The following LRRTM4 variants were observed in gnomAD, a reference collection of about 807,000 sequenced individuals.
LRRTM4 encodes the protein leucine-rich repeat transmembrane neuronal protein 4.
LRRTM4 carries 25 observed loss-of-function variants against 47.6 expected under a neutral mutation model. That is an observed-to-expected ratio of 0.53 (90% CI 0.38 to 0.73). LRRTM4 has a LOEUF of 0.73. Among genes scored for constraint, LRRTM4 ranks in the 30% least tolerant of loss-of-function variants. LRRTM4 has a pLI of 0.00. For missense variants in LRRTM4, 638 were observed against 713.4 expected (o/e 0.89, Z 1.20); for synonymous variants, 311 against 269.5 (o/e 1.15, Z -1.51).
intron 3 of LRRTM4, among the ~76,000 whole-genome samples, chr2:77,456,992 ATGTG>A (rs372166999): frequency 0.081 from 9,896 of 122,374 alleles, 629 homozygotes; most frequent in East Asian, 0.13. Context: ...ATATTAGTGT[ATGTG>A]TGTGTGTGTA....
chr2:77,053,689 A>T (rs1213148448), intron 3 of LRRTM4, among the ~76,000 whole-genome samples: 2 of 152,174 alleles, frequency 1.3e-5, no homozygotes, highest in Non-Finnish European at 2.9e-5. Context: ...AATAGAATTA[A>T]TGAGTCTCTT....
intron 3 of LRRTM4, among the ~76,000 whole-genome samples, chr2:77,458,320 G>A (rs1014924074): frequency 6.6e-6 from 1 of 152,142 alleles, no homozygotes; most frequent in Admixed American, 6.6e-5. Context: ...CAGAGACATA[G>A]TGTTTCACCT....
At chr2:77,250,502 T>C (rs578137141) in intron 3 of LRRTM4, among the ~76,000 whole-genome samples, 1 of 152,306 alleles carries the variant, frequency 6.6e-6, no homozygotes, top group Non-Finnish European at 1.5e-5. Flanking sequence ...AATAAAACAC[T>C]ACTGAAACGT....
At chr2:76,760,534 C>T (rs1212017477) in intron 3 of LRRTM4, among the ~76,000 whole-genome samples, 1 of 152,098 alleles carries the variant, frequency 6.6e-6, no homozygotes, top group Admixed American at 6.5e-5. Flanking sequence ...AGCACGTCTG[C>T]TACTGCTACC....
chr2:77,043,857 T>C lies in LRRTM4; in HGVS notation c.1552-294941A>G, dbSNP rs182569436. On this transcript the variant is annotated intron_variant, in intron 3 of 3. Coordinates refer to ENST00000409884, the MANE Select transcript of LRRTM4 (RefSeq NM_001134745.3). ...AGATAAAAAAATCAATTATAATGTC[T>C]TACAATTAAAATAGCAAAATGGTCA... Among the ~76,000 whole-genome samples, 227 of 151,792 alleles carry C rather than the reference T, an allele frequency of 1.5e-3. 1 individual carries two copies. The highest frequency in any genetic ancestry group is 4.9e-3 in the African/African-American group (202 of 41,488).
At chr2:77,058,022 A>G (rs1334609420) in intron 3 of LRRTM4, among the ~76,000 whole-genome samples, 1 of 152,044 alleles carries the variant, frequency 6.6e-6, no homozygotes. Flanking sequence ...ATTTTTGTCA[A>G]TATTTTGTCA....
chr2:77,070,512 A>G (rs140827279), intron 3 of LRRTM4, among the ~76,000 whole-genome samples: 11 of 152,318 alleles, frequency 7.2e-5, no homozygotes, highest in African/African-American at 2.4e-4. Context: ...TATTATCACT[A>G]AAAATTTGAC....
Position 76,748,655 on chromosome 2 carries a change from C to G in LRRTM4, c.*40G>C, listed in dbSNP as rs375442117. ...CTCCTTTAAGATGAAGGCCCTCCCT[C>G]CCCCCCATGGAGCTCCCCAGTGAGG... On this transcript the variant is annotated 3_prime_UTR_variant, in exon 4 of 4. Transcript: ENST00000409884. The G allele has an allele frequency of 1.6e-6, 2 of 1,228,026 alleles. No homozygotes were observed. Among genetic ancestry groups the G allele is most frequent in the African/African-American group, 3.0e-5 (2 of 67,152 alleles). The allele number at this position is 1,228,026 out of a possible 1,614,324, so 76.1% of individuals were successfully genotyped here.
intron 3 of LRRTM4, among the ~76,000 whole-genome samples, chr2:77,402,430 T>C (rs1573366166): frequency 6.6e-6 from 1 of 151,964 alleles, no homozygotes; most frequent in African/African-American, 2.4e-5. Context: ...ATTACAGTTA[T>C]TAGCCACTGC....
chr2:76,929,503 G>A (rs1189993814), intron 3 of LRRTM4, among the ~76,000 whole-genome samples: 1 of 152,172 alleles, frequency 6.6e-6, no homozygotes, highest in Non-Finnish European at 1.5e-5. Context: ...GATAATTTTA[G>A]ACCTGCTCTG....
intron 3 of LRRTM4, among the ~76,000 whole-genome samples, chr2:77,105,321 T>C (rs902989702): frequency 3.3e-5 from 5 of 152,038 alleles, no homozygotes; most frequent in African/African-American, 1.2e-4. Flanking sequence ...CAGTCTATCA[T>C]TGTTGGACAA....
chr2:76,793,328 A>G (rs912483320), intron 3 of LRRTM4, among the ~76,000 whole-genome samples: 7 of 152,176 alleles, frequency 4.6e-5, no homozygotes, highest in African/African-American at 4.8e-5. Flanking sequence ...TGGCTATTCA[A>G]TGACAGAGTT....
chr2:77,014,503 CATATATAT>C (rs71381251), intron 3 of LRRTM4, among the ~76,000 whole-genome samples: 4 of 139,058 alleles, frequency 2.9e-5, no homozygotes, highest in African/African-American at 1.0e-4. Flanking sequence ...TGTGCCCTTT[CATATATAT>C]ATATATAAAG....
chr2:76,994,692 A>G (rs922080460), intron 3 of LRRTM4, among the ~76,000 whole-genome samples: 6 of 152,004 alleles, frequency 3.9e-5, no homozygotes, highest in Non-Finnish European at 7.4e-5. Flanking sequence ...ACAGAATAAG[A>G]TGAGTAATTT....
intron 3 of LRRTM4, among the ~76,000 whole-genome samples, chr2:77,373,830 G>A (rs1672735044): frequency 6.6e-6 from 1 of 151,732 alleles, no homozygotes; most frequent in Non-Finnish European, 1.5e-5. Context: ...CACAGAGCTA[G>A]AAAAGTCTAG....
intron 3 of LRRTM4, among the ~76,000 whole-genome samples, chr2:76,752,318 A>G (rs1271777638): frequency 6.6e-6 from 1 of 152,178 alleles, no homozygotes; most frequent in African/African-American, 2.4e-5. Context: ...AAATCATGGT[A>G]TTTGTCTTTG....
At chr2:77,361,746 A>G (rs1038112762) in intron 3 of LRRTM4, among the ~76,000 whole-genome samples, 2 of 152,152 alleles carry the variant, frequency 1.3e-5, no homozygotes, top group African/African-American at 4.8e-5. Flanking sequence ...TTCCACTTTA[A>G]CATCAGATAT....
At chr2:76,983,656 G>A (rs1676690918) in intron 3 of LRRTM4, among the ~76,000 whole-genome samples, 1 of 151,962 alleles carries the variant, frequency 6.6e-6, no homozygotes, top group Admixed American at 6.6e-5. Context: ...GACTTATACA[G>A]TAATTATAGT....
intron 3 of LRRTM4, among the ~76,000 whole-genome samples, chr2:77,435,465 T>A (rs1388532335): frequency 6.6e-6 from 1 of 152,192 alleles, no homozygotes; most frequent in Admixed American, 6.5e-5. Flanking sequence ...GCATATTCTT[T>A]AATTTCTTAC....
Sources: allele counts gnomAD v4.1 joint callset (sites outside exome capture counted in the v4.1 genomes callset), GRCh38; gene constraint gnomAD v4.1.1; transcripts MANE v1.5; gene names NCBI Gene and HGNC (gene_info 2026-07-23, HGNC 2026-07-21).